Variants in PROS1 observed in about 807,000 individuals in gnomAD.
The protein encoded by PROS1 is protein S.
In PROS1, 29 loss-of-function variants were observed where a neutral mutation model predicts 75.9. The ratio of observed to expected loss-of-function variants is 0.38; its 90% CI spans 0.28 to 0.52. PROS1 has a LOEUF of 0.52. PROS1 is among the 20% of genes least tolerant of loss of function. The probability of loss-of-function intolerance (pLI) is 0.83; values close to 1 mark genes in which losing one functional copy is unlikely to be tolerated. For missense variants in PROS1, 680 were observed against 810.3 expected, an observed-to-expected ratio of 0.84 and a Z score of 1.95; for synonymous variants, 245 against 280.6, an observed-to-expected ratio of 0.87 and a Z score of 1.27.
At position 93,944,606 on chromosome 3, in the gene PROS1, A is replaced by G. The variant is rs568640417; in HGVS notation, c.77-17199T>C. Among the ~76,000 whole-genome samples, 8 of 152,368 alleles carry G rather than the reference A, an allele frequency of 5.3e-5. No individual in the cohort carries two copies. The South Asian group carries it at 8.3e-4, about 16-fold the overall frequency. On this transcript the variant is annotated intron_variant, in intron 1 of 14. Coordinates refer to ENST00000394236, the MANE Select transcript of PROS1 (RefSeq NM_000313.4). Reference sequence around the variant, plus strand: ...GAAATAAAGATGTTCTTTGAAACCAATGAGAACAAAGACACAACATACCAG... The same window carrying G: ...GAAATAAAGATGTTCTTTGAAACCAGTGAGAACAAAGACACAACATACCAG...
intron 1 of PROS1, among the ~76,000 whole-genome samples, chr3:93,960,315 T>G (rs567739034): frequency 6.6e-6 from 1 of 152,136 alleles, no homozygotes; most frequent in African/African-American, 2.4e-5. Context: ...TAGCTGGGAC[T>G]ACAGGTGCCC....
intron 13 of PROS1, 90 bp from the exon 14 acceptor site, chr3:93,877,281 A>T: frequency 2.1e-6 from 2 of 930,718 alleles, no homozygotes; most frequent in Non-Finnish European, 3.4e-6. Flanking sequence ...GTCAAAAACT[A>T]AATTTCAATA....
chr3:93,893,476 T>C (rs1380126954), intron 9 of PROS1, among the ~76,000 whole-genome samples: 1 of 152,224 alleles, frequency 6.6e-6, no homozygotes, highest in Non-Finnish European at 1.5e-5. Context: ...ATATCTCTCC[T>C]GGAGCCTTTT....
Position 93,962,976 on chromosome 3 carries a change from T to C in PROS1, c.76+10698A>G, listed in dbSNP as rs768346704. On this transcript the variant is annotated intron_variant, in intron 1 of 14. Transcript: ENST00000394236. ...GATGGGAACCATAGTAAGAGAATGC[T>C]CTCCAGCTAGTTCAAAGTTCAAATC... is the stretch of plus-strand genomic sequence containing the variant. 6.3e-4 allele frequency among the ~76,000 whole-genome samples: 96 copies of C among 152,334 alleles called. 1 individual carries two copies. Among genetic ancestry groups the C allele is most frequent in the Non-Finnish European group, 1.1e-3 (72 of 68,012 alleles).
intron 1 of PROS1, among the ~76,000 whole-genome samples, chr3:93,969,666 C>T (rs903474300): frequency 1.2e-4 from 19 of 152,270 alleles, no homozygotes; most frequent in Admixed American, 3.9e-4. Context: ...CCTAAATGTT[C>T]GCATTCCTTC....
At chr3:93,875,324 T>C (rs1708165769) in intron 14 of PROS1, among the ~76,000 whole-genome samples, 2 of 152,230 alleles carry the variant, frequency 1.3e-5, no homozygotes, top group Admixed American at 1.3e-4. Flanking sequence ...TGCATGTAAT[T>C]AATAATTTAC....
chr3:93,946,636 A>G (rs1258994844), intron 1 of PROS1, among the ~76,000 whole-genome samples: 1 of 152,190 alleles, frequency 6.6e-6, no homozygotes, highest in East Asian at 1.9e-4. Context: ...CCTTCCTTAC[A>G]CCTTATACAA....
chr3:93,909,971 T>C (rs1317805353), intron 4 of PROS1, among the ~76,000 whole-genome samples: 1 of 152,128 alleles, frequency 6.6e-6, no homozygotes, highest in Non-Finnish European at 1.5e-5. Flanking sequence ...TCAGACAAAC[T>C]GTACTCCCTG....
At position 93,942,384 on chromosome 3, in the gene PROS1, A is replaced by C. The variant is rs1395795175; in HGVS notation, c.77-14977T>G. 2.0e-5 allele frequency among the ~76,000 whole-genome samples: 3 copies of C among 152,166 alleles called. No homozygotes were observed. In the East Asian group the frequency reaches 5.8e-4, roughly 29 times the overall value. On this transcript the variant is annotated intron_variant, in intron 1 of 14. Transcript: ENST00000394236. ...ACTATGCAAAGGTCCTCCATCATTA[A>C]TGCCTCTTTAATGAAAACTCTTCTC...
At chr3:93,945,934 T>C (rs1415545691) in intron 1 of PROS1, among the ~76,000 whole-genome samples, 3 of 152,192 alleles carry the variant, frequency 2.0e-5, no homozygotes, top group Non-Finnish European at 2.9e-5. Flanking sequence ...CAAAATCTCC[T>C]TAAGCTGATA....
intron 1 of PROS1, among the ~76,000 whole-genome samples, chr3:93,955,233 C>A (rs1709579396): frequency 6.6e-6 from 1 of 152,136 alleles, no homozygotes; most frequent in South Asian, 2.1e-4. Flanking sequence ...TGGGTATATA[C>A]CCAAAGGATT....
chr3:93,884,104 C>A (rs903341830), intron 12 of PROS1, among the ~76,000 whole-genome samples: 1 of 152,136 alleles, frequency 6.6e-6, no homozygotes, highest in African/African-American at 2.4e-5. Flanking sequence ...TTTCCAGACA[C>A]AAATATTCTT....
At chr3:93,909,186 C>A (rs1336764876) in intron 4 of PROS1, among the ~76,000 whole-genome samples, 1 of 152,026 alleles carries the variant, frequency 6.6e-6, no homozygotes, top group African/African-American at 2.4e-5. Context: ...GCCTGTAATC[C>A]TAGCACTTTG....
At chr3:93,965,502 T>A (rs897130517) in intron 1 of PROS1, among the ~76,000 whole-genome samples, 6 of 152,138 alleles carry the variant, frequency 3.9e-5, no homozygotes, top group African/African-American at 1.4e-4. Flanking sequence ...AGGCTTCTAA[T>A]AGAGCTATAA....
chr3:93,967,009 T>C (rs75799884), intron 1 of PROS1, among the ~76,000 whole-genome samples: 2,363 of 152,268 alleles, frequency 0.016, 75 homozygotes, highest in African/African-American at 0.054. Flanking sequence ...CACATATGGC[T>C]TTCGGGTTGC....
At chr3:93,950,022 C>A (rs541220019) in intron 1 of PROS1, among the ~76,000 whole-genome samples, 5 of 152,186 alleles carry the variant, frequency 3.3e-5, no homozygotes, top group African/African-American at 1.2e-4. Context: ...AAATGGCACA[C>A]CAGGAGATTA....
chr3:93,941,340 A>C (rs1192557447), intron 1 of PROS1, among the ~76,000 whole-genome samples: 1 of 152,102 alleles, frequency 6.6e-6, no homozygotes, highest in Non-Finnish European at 1.5e-5. Context: ...TCCATTACCT[A>C]ACTTGGCATA....
chr3:93,964,493 G>A (rs144882809), intron 1 of PROS1, among the ~76,000 whole-genome samples: 127 of 152,172 alleles, frequency 8.3e-4, no homozygotes, highest in African/African-American at 2.9e-3. Flanking sequence ...GGCTTACTAG[G>A]GTGGGGAAAA....
In PROS1 at chr3:93,886,921, T is replaced by C. The variant is rs1708356777; in HGVS notation, c.1156-418A>G. 2.0e-5 allele frequency among the ~76,000 whole-genome samples: 3 copies of C among 150,842 alleles called. No homozygotes were observed. In the South Asian group the frequency reaches 6.3e-4, roughly 32 times the overall value. On this transcript the variant is annotated intron_variant, in intron 10 of 14. Coordinates refer to ENST00000394236, the MANE Select transcript of PROS1 (RefSeq NM_000313.4). ...AGTGTAAATAAGTTCTTTTTTTTTT[T>C]TTTTTTTTGAGACGGAGTCTCGCTC...
Sources: gnomAD v4.1 joint callset for allele counts (sites outside exome capture counted in the v4.1 genomes callset) on GRCh38, gnomAD v4.1.1 for gene constraint, MANE v1.5 for transcripts, NCBI Gene and HGNC (gene_info 2026-07-23, HGNC 2026-07-21) for gene names.